The following SLC9A7 variants were observed in gnomAD, a reference collection of about 807,000 sequenced individuals.
SLC9A7 encodes the protein solute carrier family 9 member A7, also known as sodium/hydrogen exchanger 7.
SLC9A7 carries 19 observed loss-of-function variants against 52.6 expected under a neutral mutation model. That is an observed-to-expected ratio of 0.36 (90% CI 0.25 to 0.53). The LOEUF (loss-of-function observed/expected upper bound fraction) is 0.53, where lower values mean the gene tolerates loss of function less well. SLC9A7 is among the 20% of genes least tolerant of loss of function. The probability of loss-of-function intolerance (pLI) is 0.91; values close to 1 mark genes in which losing one functional copy is unlikely to be tolerated. For missense variants in SLC9A7, 455 were observed against 597.9 expected (o/e 0.76, Z 2.49); for synonymous variants, 226 against 252.1 (o/e 0.90, Z 0.98).
At chrX:46,657,352 G>C (rs1349444261) in intron 7 of SLC9A7, among the ~76,000 whole-genome samples, 2 of 108,013 alleles carry the variant, frequency 1.9e-5, no homozygotes, top group Admixed American at 9.9e-5. Flanking sequence ...ATAATGACAG[G>C]ATCAAATTCA....
intron 12 of SLC9A7, among the ~76,000 whole-genome samples, chrX:46,641,938 G>A (rs959347392): frequency 8.0e-5 from 9 of 111,953 alleles, no homozygotes; most frequent in Non-Finnish European, 1.5e-4. Flanking sequence ...AACAATGCCT[G>A]CAACGTAAGT....
intron 7 of SLC9A7, among the ~76,000 whole-genome samples, chrX:46,657,384 A>G (rs1943720460): frequency 9.1e-6 from 1 of 109,878 alleles, no homozygotes; most frequent in Admixed American, 9.8e-5. Context: ...ATTAACTTTA[A>G]ATGTAAATGG....
intron 5 of SLC9A7, among the ~76,000 whole-genome samples, chrX:46,666,532 C>G (rs1323455385): frequency 8.9e-6 from 1 of 112,208 alleles, no homozygotes; most frequent in South Asian, 3.7e-4. Context: ...AAGTTAATGT[C>G]CTGATGCTTA....
At chrX:46,753,174 GTTAT>G (rs782667203) in intron 1 of SLC9A7, among the ~76,000 whole-genome samples, 4 of 111,803 alleles carry the variant, frequency 3.6e-5, no homozygotes, top group African/African-American at 1.3e-4. Context: ...TGCTACATAA[GTTAT>G]TTGCTTCATT....
intron 14 of SLC9A7, among the ~76,000 whole-genome samples, chrX:46,625,152 T>TAAG (rs1332894339): frequency 8.9e-6 from 1 of 112,307 alleles, no homozygotes; most frequent in Non-Finnish European, 1.9e-5. Context: ...TGCATAATGA[T>TAAG]ATCTGTGTAG....
chrX:46,690,334 C>A (rs1357797302), intron 1 of SLC9A7, among the ~76,000 whole-genome samples: 1 of 112,389 alleles, frequency 8.9e-6, no homozygotes, highest in Non-Finnish European at 1.9e-5. Flanking sequence ...TCCCTAATGG[C>A]TAATGATGTT....
rs1330504848 is a variant in SLC9A7 at position 46,600,353 on chromosome X, C to G, written c.*6599G>C. On this transcript the variant is annotated 3_prime_UTR_variant, in exon 17 of 17. Transcript: ENST00000616978. ...CAGACAATTTTCCACTGGCCAAGAG[C>G]TGACTGTGACACTTGGTGATTCTGT... 3 of 111,987 alleles carry G rather than the reference C, an allele frequency of 2.7e-5. No homozygotes were observed. The highest frequency in any genetic ancestry group is 2.8e-4 in the East Asian group (1 of 3,564). The allele number at this position is 111,987 out of a possible 1,213,427, so 9.2% of individuals were successfully genotyped here. A position where few individuals can be genotyped will look rare whatever the true frequency, so the allele number is the denominator to read the frequency against.
intron 2 of SLC9A7, among the ~76,000 whole-genome samples, chrX:46,681,971 A>T (rs754926587): frequency 8.9e-6 from 1 of 112,233 alleles, no homozygotes; most frequent in Non-Finnish European, 1.9e-5. Context: ...AGTGAAATCA[A>T]TCTTATTTTA....
chrX:46,731,431 T>TTATA (rs1491419194), intron 1 of SLC9A7, among the ~76,000 whole-genome samples: 3 of 29,334 alleles, frequency 1.0e-4, no homozygotes, highest in East Asian at 1.4e-3. Flanking sequence ...ATATAAAAAA[T>TTATA]TAAAAAAAAT....
chrX:46,693,377 G>T (rs1217676303), intron 1 of SLC9A7, among the ~76,000 whole-genome samples: 2 of 111,563 alleles, frequency 1.8e-5, no homozygotes, highest in Non-Finnish European at 3.8e-5. Flanking sequence ...GTGGTATAAG[G>T]ATAGACACAT....
At chrX:46,755,053 C>G (rs987187188) in intron 1 of SLC9A7, among the ~76,000 whole-genome samples, 10 of 112,330 alleles carry the variant, frequency 8.9e-5, no homozygotes, top group African/African-American at 3.2e-4. Flanking sequence ...TGCTTTCAAC[C>G]TTCCTGGGGA....
intron 1 of SLC9A7, chrX:46,725,152 T>C (rs773640350): frequency 2.0e-4 from 143 of 708,523 alleles, no homozygotes; most frequent in Non-Finnish European, 3.1e-4. Flanking sequence ...ACTTGAATGA[T>C]GCCAATCTAT....
chrX:46,663,324 ACT>A (rs781618489), intron 5 of SLC9A7, among the ~76,000 whole-genome samples: 16 of 100,782 alleles, frequency 1.6e-4, no homozygotes, highest in African/African-American at 6.0e-4. Context: ...CAAGAGTGAA[ACT>A]CTGTCTCAAA....
At chrX:46,624,253 A>C (rs886736840) in intron 14 of SLC9A7, among the ~76,000 whole-genome samples, 6 of 111,996 alleles carry the variant, frequency 5.4e-5, no homozygotes, top group African/African-American at 2.0e-4. Context: ...ATAGCCAGTC[A>C]GTCTGAAGTA....
chrX:46,730,670 T>TTATATATATATATATATATA lies in SLC9A7; in HGVS notation c.325+28015_325+28034dup, dbSNP rs57157177. On this transcript the variant is annotated intron_variant, in intron 1 of 16. Coordinates refer to ENST00000616978, the MANE Select transcript of SLC9A7 (RefSeq NM_001257291.2). ...GCGAGACTGTCTCAAAAAAAAAAAA[T>TTATATATATATATATATATA]TATATATATATATATATATATATAT... is the stretch of plus-strand genomic sequence containing the variant. 2.4e-3 allele frequency among the ~76,000 whole-genome samples: 103 copies of TTATATATATATATATATATA among 42,833 alleles called. 1 individual carries two copies. Among genetic ancestry groups the TTATATATATATATATATATA allele is most frequent in the Admixed American group, 3.5e-3 (7 of 2,018 alleles). 37.2% of individuals were successfully genotyped at this position (42,833 alleles called of 115,157 possible).
rs62593972 is a variant in SLC9A7 at position 46,604,284 on chromosome X, T to G, written c.*2668A>C. The G allele has an allele frequency of 2.7e-5, 3 of 111,857 alleles. No homozygotes were observed. Among genetic ancestry groups the G allele is most frequent in the Non-Finnish European group, 5.6e-5 (3 of 53,183 alleles). 9.2% of individuals were successfully genotyped at this position (111,857 alleles called of 1,213,427 possible). Reference sequence around the variant, plus strand: ...GGGTGTAGGTCTTATTCTTAAGTCCTTCACTAGCCTAGTTGACCCTGAGGG... The same window carrying G: ...GGGTGTAGGTCTTATTCTTAAGTCCGTCACTAGCCTAGTTGACCCTGAGGG... On this transcript the variant is annotated 3_prime_UTR_variant, in exon 17 of 17. Transcript: ENST00000616978.
Position 46,643,402 on chromosome X carries a change from A to G in SLC9A7, c.1463-13T>C. The G allele has an allele frequency of 9.2e-7, 1 of 1,083,957 alleles. No homozygotes were observed. Among genetic ancestry groups the G allele is most frequent in the Non-Finnish European group, 1.3e-6 (1 of 783,757 alleles). 89.3% of individuals were successfully genotyped at this position (1,083,957 alleles called of 1,213,427 possible). A position where few individuals can be genotyped will look rare whatever the true frequency, so the allele number is the denominator to read the frequency against. ...GCTCCCCTGAGGCCTGCGGGGACCA[A>G]AGAAGAAGATCTACTTATAAGGATT... On this transcript the variant is annotated splice_polypyrimidine_tract_variant and intron_variant, in intron 11 of 16. Coordinates refer to ENST00000616978, the MANE Select transcript of SLC9A7 (RefSeq NM_001257291.2).
intron 1 of SLC9A7, among the ~76,000 whole-genome samples, chrX:46,686,987 T>G (rs1944305598): frequency 8.9e-6 from 1 of 112,173 alleles, no homozygotes; most frequent in Non-Finnish European, 1.9e-5. Flanking sequence ...ATATATAGTT[T>G]ATGTATGTGC....
Position 46,643,243 on chromosome X carries a change from T to C in SLC9A7, c.1609A>G (p.Asn537Asp), listed in dbSNP as rs1602167387. 2 of 1,206,117 alleles carry C rather than the reference T, an allele frequency of 1.7e-6. No individual in the cohort carries two copies. The highest frequency in any genetic ancestry group is 3.0e-5 in the East Asian group (1 of 33,730). ...CCTTGGTTCCAAACCAACCTGATGT[T>C]AAGCCATGACAACATGGGTGTCGTG... is the stretch of plus-strand genomic sequence containing the variant. ...GGTTPMLSWL[N>D]IRVGVEEPSE... The change falls in exon 12 of 17, where the codon AAC becomes GAC. Residue 537 changes from asparagine (N) to aspartate (D), a missense_variant. By Grantham distance (23) the Asn-to-Asp change is conservative (BLOSUM62 1). Around this residue, in one of 3 missense-constraint regions of SLC9A7, gnomAD observed 146 missense variants for 160.5 expected, o/e 0.91. Coordinates refer to ENST00000616978, the MANE Select transcript of SLC9A7 (RefSeq NM_001257291.2).
Sources: gnomAD v4.1 joint callset for allele counts (sites outside exome capture counted in the v4.1 genomes callset) on GRCh38, gnomAD v4.1.1 for gene constraint, gnomAD v4.1.1 regional missense constraint, MANE v1.5 for transcripts, NCBI Gene and HGNC (gene_info 2026-07-23, HGNC 2026-07-21) for gene names.